The following ODAD2 variants were observed in gnomAD, a reference collection of about 807,000 sequenced individuals.
The protein encoded by ODAD2 is outer dynein arm docking complex subunit 2.
In ODAD2, 89 loss-of-function variants were observed where a neutral mutation model predicts 106.8. The ratio of observed to expected loss-of-function variants is 0.83; its 90% confidence interval spans 0.70 to 0.99. The LOEUF (loss-of-function observed/expected upper bound fraction) is 0.99. Ranked by LOEUF, ODAD2 falls within the 50% of genes least tolerant of loss-of-function variation. The probability of loss-of-function intolerance (pLI) is 0.00; values close to 1 mark genes in which losing one functional copy is unlikely to be tolerated. For synonymous variants in ODAD2, 404 were observed against 436.2 expected (o/e 0.93, Z 0.92); for missense variants, 1,168 against 1,238.5 (o/e 0.94, Z 0.85).
chr10:27,846,011 C>T (rs182085731), intron 19 of ODAD2, among the ~76,000 whole-genome samples: 14 of 152,260 alleles, frequency 9.2e-5, no homozygotes, highest in Non-Finnish European at 2.1e-4. Context: ...TTAGACAGAC[C>T]AATGAGACAG....
chr10:27,888,608 T>C (rs891037465), intron 17 of ODAD2, among the ~76,000 whole-genome samples: 7 of 152,182 alleles, frequency 4.6e-5, no homozygotes, highest in Non-Finnish European at 7.3e-5. Context: ...TCTCATTCTG[T>C]AGGTTTGTCT....
Position 27,862,615 on chromosome 10 carries a change from C to T in ODAD2, c.2618G>A (p.Gly873Glu), listed in dbSNP as rs151193419. The change falls in exon 18 of 20, where the codon GGG (glycine) becomes GAG (glutamate). Residue 873 changes from glycine to glutamate, a missense_variant. Gly to Glu is a moderately conservative substitution (Grantham distance 98). Around this residue, in one of 3 missense-constraint regions of ODAD2, gnomAD observed 701 missense variants for 712.3 expected, o/e 0.98. Coordinates refer to ENST00000305242, the MANE Select transcript of ODAD2 (RefSeq NM_018076.5). ...ACCAACAAAGGAACGAACCATTTCC[C>T]CAGCATCCTAGACAAAAATAAAAGT... ...CPCIKNAKDA[G>E]EMVRSFVGGL... 29 of 1,598,898 alleles carry T rather than the reference C, an allele frequency of 1.8e-5. No homozygotes were observed. Among genetic ancestry groups the T allele is most frequent in the Non-Finnish European group, 2.4e-5 (28 of 1,174,000 alleles).
At position 27,885,801 on chromosome 10, in the gene ODAD2, T is replaced by A. The variant is rs1174902487; in HGVS notation, c.2610+21862A>T. 3.3e-5 allele frequency among the ~76,000 whole-genome samples: 3 copies of A among 90,524 alleles called. 1 individual carries two copies. The highest frequency in any genetic ancestry group is 6.0e-5 in the Non-Finnish European group (3 of 49,824). 59.4% of individuals were successfully genotyped at this position (90,524 alleles called of 152,430 possible). A position where few individuals can be genotyped will look rare whatever the true frequency, so the allele number is the denominator to read the frequency against. ...AAATATATATTATATATAATATATA[T>A]AAAATATATATTATATATAATATAT... On this transcript the variant is annotated intron_variant, in intron 17 of 19. Transcript: ENST00000305242.
chr10:27,843,972 G>A (rs147160225), intron 19 of ODAD2, among the ~76,000 whole-genome samples: 1 of 152,236 alleles, frequency 6.6e-6, no homozygotes, highest in East Asian at 1.9e-4. Flanking sequence ...AGCTGAGGTC[G>A]GAGGATTGCT....
intron 16 of ODAD2, among the ~76,000 whole-genome samples, chr10:27,914,102 C>G (rs1844199005): frequency 6.6e-6 from 1 of 152,044 alleles, no homozygotes; most frequent in Non-Finnish European, 1.5e-5. Flanking sequence ...CAATGGTAGA[C>G]TGGATAAAGA....
intron 10 of ODAD2, among the ~76,000 whole-genome samples, chr10:27,950,823 G>T: frequency 6.6e-6 from 1 of 152,072 alleles, no homozygotes; most frequent in East Asian, 1.9e-4. Flanking sequence ...TCTAGTCATT[G>T]CAATGCAGAA....
At position 27,944,455 on chromosome 10, in the gene ODAD2, G is replaced by A. The variant is rs997077835; in HGVS notation, c.1534-24C>T. ...ATCTGTGTGAGAAAAAAAAAGATGAGTGGCGAATATGTAACCCGTGCTATG... is the reference window on the plus strand; with the variant it reads ...ATCTGTGTGAGAAAAAAAAAGATGAATGGCGAATATGTAACCCGTGCTATG... On this transcript the variant is annotated intron_variant, in intron 11 of 19. Transcript: ENST00000305242. 5 of 1,585,554 alleles carry A rather than the reference G, an allele frequency of 3.2e-6. No homozygotes were observed. The African/African-American group carries it at 6.7e-5, about 21-fold the overall frequency.
intron 14 of ODAD2, 22 bp downstream of exon 14, chr10:27,939,874 AC>A: frequency 6.8e-7 from 1 of 1,471,864 alleles, no homozygotes; most frequent in South Asian, 1.3e-5. Flanking sequence ...AACGCCAACA[AC>A]CGCTGGGAGA....
At chr10:27,862,708 G>T in intron 17 of ODAD2, 86 bp from the exon 18 acceptor site, 1 of 901,114 alleles carries the variant, frequency 1.1e-6, no homozygotes, top group Non-Finnish European at 1.6e-6. Context: ...CAATACAGCT[G>T]TGAGGTACAT....
At chr10:27,857,052 A>G (rs970885734) in intron 19 of ODAD2, among the ~76,000 whole-genome samples, 6 of 152,190 alleles carry the variant, frequency 3.9e-5, no homozygotes, top group African/African-American at 1.4e-4. Flanking sequence ...TTTTGGATAT[A>G]CACCATGTAC....
chr10:27,925,873 A>C (rs573587557), intron 16 of ODAD2, among the ~76,000 whole-genome samples: 1 of 152,166 alleles, frequency 6.6e-6, no homozygotes, highest in Non-Finnish European at 1.5e-5. Context: ...AATTTAAAGA[A>C]TAAGAATTTT....
At chr10:27,888,936 A>G (rs1171160259) in intron 17 of ODAD2, among the ~76,000 whole-genome samples, 1 of 152,228 alleles carries the variant, frequency 6.6e-6, no homozygotes, top group African/African-American at 2.4e-5. Context: ...AGACCTAACC[A>G]TAAGACCTGA....
chr10:27,991,318 A>G (rs957757299), intron 2 of ODAD2, among the ~76,000 whole-genome samples: 2 of 152,290 alleles, frequency 1.3e-5, no homozygotes, highest in Middle Eastern at 6.8e-3. Flanking sequence ...TGATGAAAAC[A>G]CTGGGAATCA....
chr10:27,858,049 C>A (rs963150370), intron 19 of ODAD2, among the ~76,000 whole-genome samples: 2 of 152,186 alleles, frequency 1.3e-5, no homozygotes, highest in Non-Finnish European at 2.9e-5. Flanking sequence ...GTAATTGAAC[C>A]ACCCTGATGT....
intron 19 of ODAD2, among the ~76,000 whole-genome samples, chr10:27,825,214 T>G (rs1449951595): frequency 6.6e-6 from 1 of 152,226 alleles, no homozygotes; most frequent in Non-Finnish European, 1.5e-5. Flanking sequence ...TCCTGACATC[T>G]TCCCATTACC....
chr10:27,869,172 A>G (rs16928373), intron 17 of ODAD2, among the ~76,000 whole-genome samples: 3,378 of 152,176 alleles, frequency 0.022, 147 homozygotes, highest in African/African-American at 0.077. Context: ...AAGGAGCACA[A>G]GAACAAATAA....
intron 12 of ODAD2, among the ~76,000 whole-genome samples, chr10:27,943,861 T>C (rs1037604858): frequency 1.4e-5 from 2 of 146,534 alleles, no homozygotes; most frequent in African/African-American, 5.1e-5. Flanking sequence ...TTTTAAGTTG[T>C]AAAGCTTTTG....
chr10:27,815,993 A>T (rs1009514446), intron 19 of ODAD2, among the ~76,000 whole-genome samples: 7 of 152,330 alleles, frequency 4.6e-5, no homozygotes, highest in Middle Eastern at 3.4e-3. Context: ...TCCTGTATCC[A>T]TAATAGATGT....
chr10:27,824,097 C>T (rs976685661), intron 19 of ODAD2, among the ~76,000 whole-genome samples: 13 of 100,616 alleles, frequency 1.3e-4, no homozygotes, highest in African/African-American at 1.8e-4. Flanking sequence ...GCCGAGATTG[C>T]GCCACTGCAC....
Sources: gnomAD v4.1 joint callset for allele counts (sites outside exome capture counted in the v4.1 genomes callset) on GRCh38, gnomAD v4.1.1 for gene constraint, gnomAD v4.1.1 regional missense constraint, MANE v1.5 for transcripts, NCBI Gene and HGNC (gene_info 2026-07-23, HGNC 2026-07-21) for gene names.